Variants in CPA1 observed in about 807,000 individuals in gnomAD.
The protein encoded by CPA1 is carboxypeptidase A1.
A neutral mutation model predicts 48.7 loss-of-function variants in CPA1; 42 were observed. That is an observed-to-expected ratio of 0.86 (90% CI 0.67 to 1.11). The LOEUF (loss-of-function observed/expected upper bound fraction) is 1.11. CPA1 is among the 50% of genes most tolerant of loss of function. CPA1 has a pLI of 0.00. For missense variants in CPA1, 477 were observed against 544.7 expected (o/e 0.88, Z 1.24); for synonymous variants, 203 against 217.9 (o/e 0.93, Z 0.60).
Position 130,383,808 on chromosome 7 carries a change from C to T in CPA1, c.696+14C>T. The stretch of plus-strand genomic sequence containing the variant: ...ACGCACAGCACGGTACCGGCCTTCT[C>T]CTGTCCTTGGGGGAAGCAGGATGGG... On this transcript the variant is annotated intron_variant, in intron 6 of 9. Transcript: ENST00000011292. 2 of 1,583,946 alleles carry T rather than the reference C, an allele frequency of 1.3e-6. No individual in the cohort carries two copies. Among genetic ancestry groups the T allele is most frequent in the Non-Finnish European group, 1.7e-6 (2 of 1,154,602 alleles).
chr7:130,380,512 G>T lies in CPA1; in HGVS notation c.-9G>T. ...CGACCTCAGTCTGACCTTCCCTCCC[G>T]GCAGCAGCATGCGGGGGTTGCTGGT... On this transcript the variant is annotated 5_prime_UTR_variant, in exon 1 of 10. Transcript: ENST00000011292. 1.5e-6 allele frequency: 2 copies of T among 1,314,080 alleles called. No individual in the cohort carries two copies. Among genetic ancestry groups the T allele is most frequent in the African/African-American group, 3.0e-5 (2 of 66,522 alleles). 81.4% of individuals were successfully genotyped at this position (1,314,080 alleles called of 1,614,324 possible).
chr7:130,385,794 A>T, intron 8 of CPA1, 45 bp from the exon 9 acceptor site: 1 of 1,529,254 alleles, frequency 6.5e-7, no homozygotes, highest in Non-Finnish European at 9.0e-7. Flanking sequence ...ATGCTGTTCC[A>T]GGAGCCTGGC....
chr7:130,385,981 C>G, intron 9 of CPA1, 58 bp downstream of exon 9: 1 of 1,460,060 alleles, frequency 6.8e-7, no homozygotes, highest in Non-Finnish European at 9.6e-7. Context: ...CTGGCTCTTC[C>G]TGACCGAGGG....
Position 130,381,806 on chromosome 7 carries a change from G to A in CPA1, c.324G>A (p.Arg108=). 6.2e-7 allele frequency: 1 copy of A among 1,614,132 alleles called. No individual in the cohort carries two copies. The highest frequency in any genetic ancestry group is 8.5e-7 in the Non-Finnish European group (1 of 1,180,026). ...DEEQEQMFAF[R]SRARSTDTFN... ...AGCAGGAGCAGATGTTCGCCTTCCG[G>A]TCCCGGGCGCGCTCCACCGACACTT... The change falls in exon 3 of 10, where the codon CGG becomes CGA. Residue 108 remains arginine (R), a synonymous_variant. Coordinates refer to ENST00000011292, the MANE Select transcript of CPA1 (RefSeq NM_001868.4).
chr7:130,386,240 CA>C (rs1562968453), intron 9 of CPA1, among the ~76,000 whole-genome samples: 1 of 151,922 alleles, frequency 6.6e-6, no homozygotes, highest in South Asian at 2.1e-4. Flanking sequence ...CTTAAAAAAA[CA>C]CTTCTCGGGG....
intron 9 of CPA1, 90 bp downstream of exon 9, chr7:130,386,013 T>C: frequency 8.5e-7 from 1 of 1,176,966 alleles, no homozygotes; most frequent in Non-Finnish European, 1.2e-6. Flanking sequence ...TGGAAGGAAG[T>C]AGCCAAGGGC....
At chr7:130,386,064 G>A in intron 9 of CPA1, 141 bp downstream of exon 9, 1 of 647,790 alleles carries the variant, frequency 1.5e-6, no homozygotes, top group Non-Finnish European at 2.7e-6. Context: ...ATTCTGAGGG[G>A]TGGGCAGTCC....
intron 2 of CPA1, 36 bp downstream of exon 2, chr7:130,381,215 G>GCT: frequency 6.5e-7 from 1 of 1,545,838 alleles, no homozygotes; most frequent in Non-Finnish European, 8.9e-7. Context: ...TGAGGCCCCA[G>GCT]GGTATCAGCT....
chr7:130,381,935 C>A (rs1451335400), intron 3 of CPA1, 72 bp downstream of exon 3: 2 of 1,446,400 alleles, frequency 1.4e-6, no homozygotes, highest in Non-Finnish European at 9.5e-7. Context: ...CGCGGTAGGG[C>A]CAAGGCCAGG....
At chr7:130,381,540 C>T (rs576425975) in intron 2 of CPA1, 90 bp from the exon 3 acceptor site, 4 of 913,756 alleles carry the variant, frequency 4.4e-6, no homozygotes, top group South Asian at 3.0e-5. Context: ...CTGGCACCAA[C>T]AGCCCCTCCC....
chr7:130,381,501 CT>C (rs1796403286), intron 2 of CPA1, 128 bp from the exon 3 acceptor site: 2 of 683,010 alleles, frequency 2.9e-6, no homozygotes, highest in Non-Finnish European at 5.0e-6. Context: ...CCTATTACCC[CT>C]GACCTATCCC....
Position 130,387,296 on chromosome 7 carries a change from A to C in CPA1, c.1073-528A>C, listed in dbSNP as rs1043365652. Among the ~76,000 whole-genome samples the C allele has an allele frequency of 2.0e-5, 3 of 152,248 alleles. No homozygotes were observed. The highest frequency in any genetic ancestry group is 1.3e-4 in the Admixed American group (2 of 15,288). The stretch of plus-strand genomic sequence containing the variant: ...TTGCTTCATTCAACATGGTCAAGTT[A>C]AATTCTGATATGCAGCCTACTGCTC... On this transcript the variant is annotated intron_variant, in intron 9 of 9. Transcript: ENST00000011292. The surrounding 1 kb of genome is among the most constrained non-coding windows in gnomAD (Gnocchi z 4.6).
rs532631461 is a variant in CPA1 at position 130,381,626 on chromosome 7, C to T, written c.148-4C>T. On this transcript the variant is annotated splice_polypyrimidine_tract_variant and splice_region_variant and intron_variant, in intron 2 of 9. Coordinates refer to ENST00000011292, the MANE Select transcript of CPA1 (RefSeq NM_001868.4). ...GTGACCGTGCCGGCTCTTGTCCTCC[C>T]CAGCTGGACTTCTGGCGGGGGCCTG... is the stretch of plus-strand genomic sequence containing the variant. 6 of 1,612,290 alleles carry T rather than the reference C, an allele frequency of 3.7e-6. No homozygotes were observed. The highest frequency in any genetic ancestry group is 4.5e-5 in the East Asian group (2 of 44,860).
At chr7:130,383,072 C>T (rs542422982) in intron 4 of CPA1, among the ~76,000 whole-genome samples, 18 of 152,334 alleles carry the variant, frequency 1.2e-4, no homozygotes, top group East Asian at 9.7e-4. Context: ...TGAGCCACCA[C>T]GCCCAACCCA....
At chr7:130,381,285 G>A in intron 2 of CPA1, 106 bp downstream of exon 2, 1 of 748,230 alleles carries the variant, frequency 1.3e-6, no homozygotes. Context: ...CCAACAAGGA[G>A]ACATGGAATT....
At position 130,385,141 on chromosome 7, in the gene CPA1, C is replaced by A. The variant is rs201705049; in HGVS notation, c.788-5C>A. 46 of 1,613,932 alleles carry A rather than the reference C, an allele frequency of 2.9e-5. No individual in the cohort carries two copies. The highest frequency in any genetic ancestry group is 8.9e-5 in the East Asian group (4 of 44,892). On this transcript the variant is annotated splice_region_variant and splice_polypyrimidine_tract_variant and intron_variant, in intron 7 of 9. Transcript: ENST00000011292. The stretch of plus-strand genomic sequence containing the variant: ...CACACCGCCATGCCCTCTGTCCCCC[C>A]ACAGTGTCCGGAGCCAGCAGTAACC...
intron 9 of CPA1, among the ~76,000 whole-genome samples, chr7:130,386,531 C>CA (rs1469959261): frequency 2.0e-5 from 3 of 151,554 alleles, no homozygotes; most frequent in African/African-American, 4.8e-5. Context: ...GACTCCATGT[C>CA]AAAAAAACAA....
In CPA1 at chr7:130,383,753, A is replaced by T. The variant is rs1796437124; in HGVS notation, c.655A>T (p.Ile219Phe). 1.9e-6 allele frequency: 3 copies of T among 1,614,024 alleles called. No individual in the cohort carries two copies. The highest frequency in any genetic ancestry group is 1.3e-5 in the African/African-American group (1 of 74,908). The change falls in exon 6 of 10, where the codon ATC (isoleucine) becomes TTC (phenylalanine). Residue 219 changes from isoleucine to phenylalanine, a missense_variant. Coordinates refer to ENST00000011292, the MANE Select transcript of CPA1 (RefSeq NM_001868.4). ...ILDTLDIFLE[I>F]VTNPDGFAFT... ...CGACACCTTGGACATCTTCCTGGAG[A>T]TCGTCACCAACCCTGATGGCTTTGC...
rs7811409 is a variant in CPA1, at chr7:130,384,860, G to C, written c.787+234G>C. ...TAAGGTCTGAAATCCTACCTAGGGG[G>C]CTTCTAGCTTAACCTCAAGTCCTCC... On this transcript the variant is annotated intron_variant, in intron 7 of 9. Coordinates refer to ENST00000011292, the MANE Select transcript of CPA1 (RefSeq NM_001868.4). 215,411 of 604,988 alleles carry C rather than the reference G, an allele frequency of 0.36. 39,645 individuals are homozygous for C. The highest frequency in any genetic ancestry group is 0.47 in the African/African-American group (25,589 of 53,926). The allele number at this position is 604,988 out of a possible 1,614,324, so 37.5% of individuals were successfully genotyped here.
Sources: gnomAD v4.1 joint callset for allele counts (sites outside exome capture counted in the v4.1 genomes callset) on GRCh38, gnomAD v4.1.1 for gene constraint, Gnocchi (gnomAD v3.1) non-coding constraint, MANE v1.5 for transcripts, NCBI Gene and HGNC (gene_info 2026-07-23, HGNC 2026-07-21) for gene names.